Variants in PSD3 observed in about 807,000 individuals in gnomAD.
PSD3 encodes PH and SEC7 domain-containing protein 3.
A neutral mutation model predicts 105.5 loss-of-function variants in PSD3; 49 were observed. The ratio of observed to expected loss-of-function variants is 0.46; its 90% CI spans 0.37 to 0.59. PSD3 has a LOEUF of 0.59. PSD3 is among the 20% of genes least tolerant of loss of function. The pLI is 0.00. For synonymous variants in PSD3, 557 were observed against 457.8 expected (o/e 1.22, Z -2.77); for missense variants, 1,561 against 1,263.8 (o/e 1.24, Z -3.57).
At chr8:18,947,565 C>CG (rs1252741400) in intron 1 of PSD3, among the ~76,000 whole-genome samples, 1 of 152,110 alleles carries the variant, frequency 6.6e-6, no homozygotes, top group Admixed American at 6.5e-5. Flanking sequence ...TATGGGGTGG[C>CG]GGGGGGCCCA....
At chr8:18,906,695 T>C (rs1819872918) in intron 2 of PSD3, among the ~76,000 whole-genome samples, 1 of 152,202 alleles carries the variant, frequency 6.6e-6, no homozygotes, top group Non-Finnish European at 1.5e-5. Context: ...AGAAAGTAAT[T>C]GTAGTGTCTA....
At chr8:18,539,591 AGGCT>A (rs1800039231) in intron 15 of PSD3, among the ~76,000 whole-genome samples, 1 of 140,228 alleles carries the variant, frequency 7.1e-6, no homozygotes, top group Non-Finnish European at 1.5e-5. Flanking sequence ...CTCTGTCTCC[AGGCT>A]GGAGGGCAGT....
At chr8:18,651,633 A>G (rs1460173808) in intron 10 of PSD3, among the ~76,000 whole-genome samples, 1 of 152,240 alleles carries the variant, frequency 6.6e-6, no homozygotes, top group African/African-American at 2.4e-5. Flanking sequence ...GCACATTACT[A>G]CAAATAACCA....
Position 18,992,781 on chromosome 8 carries a change from T to G in PSD3, c.21+20782A>C, listed in dbSNP as rs117762870. Among the ~76,000 whole-genome samples the G allele has an allele frequency of 8.8e-3, 1,327 of 150,174 alleles. 7 individuals are homozygous for G. Among genetic ancestry groups the G allele is most frequent in the Middle Eastern group, 0.024 (7 of 294 alleles). ...AGTGGACTTGAAGTCAACACCTGAGTACTTGTCCAACTTTGTCCTTAATTC... is the reference window on the plus strand; with the variant it reads ...AGTGGACTTGAAGTCAACACCTGAGGACTTGTCCAACTTTGTCCTTAATTC... On this transcript the variant is annotated intron_variant, in intron 1 of 15. Transcript: ENST00000327040.
chr8:18,588,570 CATAAATGT>C (rs1483409567), intron 12 of PSD3, among the ~76,000 whole-genome samples: 1 of 151,988 alleles, frequency 6.6e-6, no homozygotes, highest in South Asian at 2.1e-4. Flanking sequence ...ATTCACTCTT[CATAAATGT>C]ATAATTTCCT....
intron 2 of PSD3, among the ~76,000 whole-genome samples, chr8:18,922,498 G>A (rs1471917423): frequency 6.6e-6 from 1 of 152,170 alleles, no homozygotes; most frequent in Non-Finnish European, 1.5e-5. Flanking sequence ...CTACACAGAA[G>A]ACTTCTGTGA....
chr8:18,903,339 T>A (rs1218229336), intron 2 of PSD3, among the ~76,000 whole-genome samples: 1 of 152,094 alleles, frequency 6.6e-6, no homozygotes, highest in Non-Finnish European at 1.5e-5. Flanking sequence ...TTGGCAGTGA[T>A]CGTCAGCATC....
At chr8:18,975,445 A>T (rs1824889063) in intron 1 of PSD3, among the ~76,000 whole-genome samples, 2 of 152,098 alleles carry the variant, frequency 1.3e-5, no homozygotes, top group African/African-American at 4.8e-5. Flanking sequence ...GCTAAAAGTC[A>T]CGCAGAAGAG....
At chr8:19,080,769 C>T (rs923426869) in intron 1 of PSD3, among the ~76,000 whole-genome samples, 4 of 152,130 alleles carry the variant, frequency 2.6e-5, no homozygotes, top group Non-Finnish European at 2.9e-5. Context: ...AGCAGTCAAT[C>T]TTTTCGCAAA....
chr8:18,859,545 C>A (rs1586246741), intron 4 of PSD3, among the ~76,000 whole-genome samples: 1 of 152,300 alleles, frequency 6.6e-6, no homozygotes. Flanking sequence ...CAATAGATGG[C>A]TATTTGGTTT....
chr8:18,851,448 C>T (rs1450699477), intron 4 of PSD3, among the ~76,000 whole-genome samples: 1 of 152,236 alleles, frequency 6.6e-6, no homozygotes, highest in Non-Finnish European at 1.5e-5. Flanking sequence ...GAACCCAAAG[C>T]AGGCTCTGTC....
At chr8:18,553,675 A>T (rs1800908552) in intron 15 of PSD3, among the ~76,000 whole-genome samples, 1 of 152,208 alleles carries the variant, frequency 6.6e-6, no homozygotes, top group South Asian at 2.1e-4. Context: ...TGGCTGCAAC[A>T]ATAGCAAAGT....
rs1799482995 is a variant in PSD3 at position 18,527,783 on chromosome 8, T to C, written c.*7960A>G. The C allele has an allele frequency of 6.6e-6, 1 of 152,506 alleles. No individual in the cohort carries two copies. Among genetic ancestry groups the C allele is most frequent in the Non-Finnish European group, 1.5e-5 (1 of 68,028 alleles). 9.4% of individuals were successfully genotyped at this position (152,506 alleles called of 1,614,324 possible). On this transcript the variant is annotated 3_prime_UTR_variant, in exon 16 of 16. Coordinates refer to ENST00000327040, the MANE Select transcript of PSD3 (RefSeq NM_015310.4). ...ATTTCCAGAATCTGGTAGGTGGTGATGAGGAACAGGTTTCCAGTACGTGTT... is the reference window on the plus strand; with the variant it reads ...ATTTCCAGAATCTGGTAGGTGGTGACGAGGAACAGGTTTCCAGTACGTGTT...
intron 12 of PSD3, among the ~76,000 whole-genome samples, chr8:18,594,854 G>C (rs1803974509): frequency 6.6e-6 from 1 of 152,048 alleles, no homozygotes; most frequent in Non-Finnish European, 1.5e-5. Flanking sequence ...TCAGCATGTA[G>C]AAAATTCAAG....
chr8:18,616,628 C>CTTTTTTCTTT (rs1554523532), intron 11 of PSD3, among the ~76,000 whole-genome samples: 6 of 126,804 alleles, frequency 4.7e-5, no homozygotes, highest in East Asian at 2.2e-4. Flanking sequence ...CTTTTCTTTT[C>CTTTTTTCTTT]TTTTTTTTTT....
intron 8 of PSD3, among the ~76,000 whole-genome samples, chr8:18,796,744 T>A (rs73595741): frequency 6.6e-6 from 1 of 152,130 alleles, no homozygotes; most frequent in Non-Finnish European, 1.5e-5. Context: ...TTGGCACTTC[T>A]TAGAAAGATC....
chr8:18,673,313 A>G (rs1402569973), intron 9 of PSD3, among the ~76,000 whole-genome samples: 2 of 152,046 alleles, frequency 1.3e-5, no homozygotes, highest in Admixed American at 1.3e-4. Flanking sequence ...CAGTCCTCAT[A>G]TTATTGTGAC....
chr8:18,959,011 C>G (rs1823749113), intron 1 of PSD3, among the ~76,000 whole-genome samples: 1 of 151,742 alleles, frequency 6.6e-6, no homozygotes, highest in Admixed American at 6.6e-5. Flanking sequence ...ACCTGCACCT[C>G]TTGGGTTCAA....
intron 12 of PSD3, among the ~76,000 whole-genome samples, chr8:18,582,433 T>A (rs893823303): frequency 7.9e-5 from 12 of 152,144 alleles, no homozygotes; most frequent in Admixed American, 6.5e-5. Context: ...TCTGGCCACA[T>A]TGCACAGGCT....
Sources: allele counts gnomAD v4.1 joint callset (sites outside exome capture counted in the v4.1 genomes callset), GRCh38; gene constraint gnomAD v4.1.1; transcripts MANE v1.5; gene names NCBI Gene and HGNC (gene_info 2026-07-23, HGNC 2026-07-21).